XYLT1: variants seen among roughly 807,000 people sequenced by gnomAD.
The protein encoded by XYLT1 is xylosyltransferase 1, also known as beta-D-xylosyltransferase 1.
In XYLT1, 36 loss-of-function variants were observed where a neutral mutation model predicts 91.3. That is an observed-to-expected ratio of 0.39 (90% CI 0.30 to 0.52). The LOEUF is 0.52. XYLT1 is among the 20% of genes least tolerant of loss of function. The pLI is 0.68. For missense variants in XYLT1, 1,242 were observed against 1,284.5 expected (o/e 0.97, Z 0.51); for synonymous variants, 588 against 532.0 (o/e 1.11, Z -1.45).
rs1001521631 is a variant in XYLT1 at position 17,103,794 on chromosome 16, T to G, written c.*4901A>C. 5 of 152,156 alleles carry G rather than the reference T, an allele frequency of 3.3e-5. No individual in the cohort carries two copies. The highest frequency in any genetic ancestry group is 1.2e-4 in the African/African-American group (5 of 41,388). The allele number at this position is 152,156 out of a possible 1,614,324, so 9.4% of individuals were successfully genotyped here. ...GAAGAGAGGTCACTTTCTCCCTGCA[T>G]ACGCCTGGTAAGACCAGAGCCAAAG... On this transcript the variant is annotated 3_prime_UTR_variant, in exon 12 of 12. Coordinates refer to ENST00000261381, the MANE Select transcript of XYLT1 (RefSeq NM_022166.4).
At position 17,117,666 on chromosome 16, in the gene XYLT1, T is replaced by C. The variant is rs1966855272; in HGVS notation, c.2537A>G (p.Asn846Ser). ...CTTACCAGGTTTGATGGGCTGCCTG[T>C]TCGAGAAGGTCAGAGGCGCAACGAG... is the stretch of plus-strand genomic sequence containing the variant. ...KFLVAPLTFSNRQPIKPEEAL... is the reference protein window; with the variant it reads ...KFLVAPLTFSSRQPIKPEEAL... The change falls in exon 11 of 12, where the codon AAC becomes AGC. Residue 846 changes from asparagine to serine, a missense_variant. Asn to Ser is a conservative substitution (Grantham distance 46, BLOSUM62 1). This residue lies in a region of XYLT1 where 511 missense variants were observed against 497.0 expected (regional missense o/e 1.03). Transcript: ENST00000261381. 6.2e-7 allele frequency: 1 copy of C among 1,612,130 alleles called. No individual in the cohort carries two copies. The highest frequency in any genetic ancestry group is 1.3e-5 in the African/African-American group (1 of 74,860).
rs2036350462 is a variant in XYLT1, at chr16:17,428,738, G to A, written c.363+41696C>T. 3.3e-5 allele frequency among the ~76,000 whole-genome samples: 5 copies of A among 152,186 alleles called. No homozygotes were observed. The South Asian group carries it at 1.0e-3, about 31-fold the overall frequency. On this transcript the variant is annotated intron_variant, in intron 1 of 11. Coordinates refer to ENST00000261381, the MANE Select transcript of XYLT1 (RefSeq NM_022166.4). ...CGGCCGTGTGGTAGTTTTCCACTGG[G>A]TTCACCAAACTAGGTCTCTTTTTTC...
intron 2 of XYLT1, among the ~76,000 whole-genome samples, chr16:17,316,979 C>T (rs1218988999): frequency 1.3e-5 from 2 of 151,590 alleles, no homozygotes; most frequent in Non-Finnish European, 1.5e-5. Flanking sequence ...CCCGCCACCT[C>T]GCCCGGCTAA....
At chr16:17,248,385 C>A (rs2033477713) in intron 3 of XYLT1, among the ~76,000 whole-genome samples, 1 of 152,162 alleles carries the variant, frequency 6.6e-6, no homozygotes, top group South Asian at 2.1e-4. Context: ...GGGGGCCTAC[C>A]TTCCCCTCAG....
At position 17,470,505 on chromosome 16, in the gene XYLT1, G is replaced by A. The variant is rs1370531530; in HGVS notation, c.292C>T (p.Arg98Trp). 5 of 1,229,656 alleles carry A rather than the reference G, an allele frequency of 4.1e-6. No homozygotes were observed. Among genetic ancestry groups the A allele is most frequent in the African/African-American group, 1.6e-5 (1 of 63,982 alleles). 76.2% of individuals were successfully genotyped at this position (1,229,656 alleles called of 1,614,324 possible). A position where few individuals can be genotyped will look rare whatever the true frequency, so the allele number is the denominator to read the frequency against. ...GGGRGPQARA[R>W]GGGPGEPRGQ... is the part of the protein sequence containing the mutation. ...CGCGGTTCTCCGGGGCCGCCTCCCC[G>A]CGCCCGCGCCTGGGGCCCCCGTCCT... Residue 98 changes from arginine to tryptophan, a missense_variant, in exon 1 of 12, where the codon CGG (arginine) becomes TGG (tryptophan). Arg to Trp is a moderately radical substitution (Grantham distance 101, BLOSUM62 -3). Transcript: ENST00000261381.
At chr16:17,161,011 G>A (rs1413673484) in intron 5 of XYLT1, among the ~76,000 whole-genome samples, 1 of 152,184 alleles carries the variant, frequency 6.6e-6, no homozygotes, top group Non-Finnish European at 1.5e-5. Flanking sequence ...GTCCCCGGCA[G>A]TTGGAATAAT....
chr16:17,470,615 G>A lies in XYLT1; in HGVS notation c.182C>T (p.Pro61Leu). Reference sequence around the variant, plus strand: ...GTCCCGGCGCTCCCGGCGCGGGGCCGGGGCCGGGGGCGGCTGCTCCCCGCC... The same window carrying A: ...GTCCCGGCGCTCCCGGCGCGGGGCCAGGGCCGGGGGCGGCTGCTCCCCGCC... The part of the protein sequence containing the change: ...VGGGEQPPPA[P>L]APRRERRDLP... The change falls in exon 1 of 12, where the codon CCG (proline) becomes CTG (leucine). Residue 61 changes from proline to leucine, a missense_variant. Physicochemically the swap from Pro to Leu is moderately conservative, Grantham distance 98. This residue lies in a region of XYLT1 where 437 missense variants were observed against 411.5 expected (regional missense o/e 1.06). Transcript: ENST00000261381. The A allele has an allele frequency of 6.2e-6, 7 of 1,122,934 alleles. No individual in the cohort carries two copies. The highest frequency in any genetic ancestry group is 4.9e-5 in the East Asian group (1 of 20,422). 69.6% of individuals were successfully genotyped at this position (1,122,934 alleles called of 1,614,324 possible).
At chr16:17,223,534 G>A (rs1007715523) in intron 3 of XYLT1, among the ~76,000 whole-genome samples, 1 of 152,354 alleles carries the variant, frequency 6.6e-6, no homozygotes, top group Non-Finnish European at 1.5e-5. Flanking sequence ...ATGGACACCT[G>A]TGCATGCTTC....
At chr16:17,333,590 T>TG (rs2034935083) in intron 2 of XYLT1, among the ~76,000 whole-genome samples, 1 of 146,748 alleles carries the variant, frequency 6.8e-6, no homozygotes, top group African/African-American at 2.6e-5. Flanking sequence ...TAATTTAATT[T>TG]ATTTTTTTTT....
At chr16:17,248,985 T>C (rs1404103660) in intron 3 of XYLT1, among the ~76,000 whole-genome samples, 1 of 152,024 alleles carries the variant, frequency 6.6e-6, no homozygotes, top group African/African-American at 2.4e-5. Flanking sequence ...CCTCCCAAAG[T>C]GCTGTTATTA....
At chr16:17,373,462 T>C (rs1325418967) in intron 1 of XYLT1, among the ~76,000 whole-genome samples, 1 of 152,216 alleles carries the variant, frequency 6.6e-6, no homozygotes, top group African/African-American at 2.4e-5. Flanking sequence ...CCACAAAACT[T>C]GTGAATAAAA....
intron 2 of XYLT1, among the ~76,000 whole-genome samples, chr16:17,354,107 T>C (rs1372425020): frequency 6.6e-6 from 1 of 152,084 alleles, no homozygotes; most frequent in African/African-American, 2.4e-5. Flanking sequence ...CCTTTTTTAT[T>C]TTTTTTTCAT....
intron 1 of XYLT1, among the ~76,000 whole-genome samples, chr16:17,372,852 G>A (rs1417921237): frequency 6.6e-6 from 1 of 152,014 alleles, no homozygotes; most frequent in Non-Finnish European, 1.5e-5. Flanking sequence ...CCTGTTATTA[G>A]GATTCACCGA....
intron 2 of XYLT1, among the ~76,000 whole-genome samples, chr16:17,305,636 G>A (rs568129827): frequency 4.6e-5 from 7 of 151,980 alleles, no homozygotes; most frequent in East Asian, 3.9e-4. Context: ...GGGTGGTCTC[G>A]ATCTCCTGAC....
intron 3 of XYLT1, among the ~76,000 whole-genome samples, chr16:17,245,831 T>C (rs947005480): frequency 6.6e-6 from 1 of 152,196 alleles, no homozygotes; most frequent in African/African-American, 2.4e-5. Context: ...CCACAGCAAC[T>C]AGAAACTGGC....
intron 2 of XYLT1, among the ~76,000 whole-genome samples, chr16:17,287,349 C>T (rs921486885): frequency 1.3e-5 from 2 of 152,092 alleles, no homozygotes; most frequent in African/African-American, 4.8e-5. Flanking sequence ...AGAACGTAGA[C>T]GGATCCCTCT....
intron 1 of XYLT1, among the ~76,000 whole-genome samples, chr16:17,360,774 T>C (rs2141865208): frequency 6.6e-6 from 1 of 152,284 alleles, no homozygotes; most frequent in African/African-American, 2.4e-5. Flanking sequence ...ATCCATCCTA[T>C]CTGTCTAAAT....
intron 3 of XYLT1, among the ~76,000 whole-genome samples, chr16:17,229,693 G>T (rs1049803686): frequency 1.3e-5 from 2 of 152,162 alleles, no homozygotes; most frequent in African/African-American, 4.8e-5. Context: ...TTTTCCAGAA[G>T]ACTCCAGAAA....
At chr16:17,417,623 G>A (rs953854974) in intron 1 of XYLT1, among the ~76,000 whole-genome samples, 8 of 152,256 alleles carry the variant, frequency 5.3e-5, no homozygotes, top group Admixed American at 1.3e-4. Flanking sequence ...AGAAGCCGGC[G>A]TGTGCTAGTT....
Sources: allele counts gnomAD v4.1 joint callset (sites outside exome capture counted in the v4.1 genomes callset), GRCh38; gene constraint gnomAD v4.1.1; regional missense constraint gnomAD v4.1.1; transcripts MANE v1.5; gene names NCBI Gene and HGNC (gene_info 2026-07-23, HGNC 2026-07-21).